The following YARS1 variants were observed in gnomAD, a reference collection of about 807,000 sequenced individuals.
YARS1 encodes the protein tyrosine--tRNA ligase, cytoplasmic.
A neutral mutation model predicts 62.2 loss-of-function variants in YARS1; 36 were observed. The ratio of observed to expected loss-of-function variants is 0.58; its 90% CI spans 0.44 to 0.76. The LOEUF (loss-of-function observed/expected upper bound fraction) is 0.76. Among genes scored for constraint, YARS1 ranks in the 30% least tolerant of loss-of-function variants. YARS1 has a pLI of 0.00. For synonymous variants in YARS1, 234 were observed against 244.9 expected (o/e 0.96, Z 0.42); for missense variants, 524 against 639.8 (o/e 0.82, Z 1.95).
At chr1:32,811,368 G>A (rs183622139) in intron 1 of YARS1, 65 of 415,052 alleles carry the variant, frequency 1.6e-4, no homozygotes, top group Non-Finnish European at 2.4e-4. Flanking sequence ...ATCAAAGAAC[G>A]CAAATAACTG....
At chr1:32,795,669 G>A (rs1653558287) in intron 5 of YARS1, among the ~76,000 whole-genome samples, 1 of 151,792 alleles carries the variant, frequency 6.6e-6, no homozygotes, top group African/African-American at 2.4e-5. Flanking sequence ...AGCTGGGTGT[G>A]GTGGCACGCG....
chr1:32,784,536 C>T (rs1167586400), intron 8 of YARS1, among the ~76,000 whole-genome samples: 2 of 152,094 alleles, frequency 1.3e-5, no homozygotes, highest in Admixed American at 1.3e-4. Context: ...CCTACCATGT[C>T]TTTGTACAAC....
Position 32,775,936 on chromosome 1 carries a change from G to T in YARS1, c.*45C>A. ...ATGGATGGAGCAGACTGAAGAGACA[G>T]CAGATGACTCAGTGGTGGAAGAAGG... On this transcript the variant is annotated 3_prime_UTR_variant, in exon 13 of 13. Coordinates refer to ENST00000373477, the MANE Select transcript of YARS1 (RefSeq NM_003680.4). 1 of 1,493,204 alleles carries T rather than the reference G, an allele frequency of 6.7e-7. No individual in the cohort carries two copies. Among genetic ancestry groups the T allele is most frequent in the Non-Finnish European group, 9.3e-7 (1 of 1,070,588 alleles). 92.5% of individuals were successfully genotyped at this position (1,493,204 alleles called of 1,614,324 possible). A position where few individuals can be genotyped will look rare whatever the true frequency, so the allele number is the denominator to read the frequency against.
intron 8 of YARS1, 115 bp from the exon 9 acceptor site, chr1:32,782,654 G>T: frequency 7.0e-7 from 1 of 1,430,686 alleles, no homozygotes; most frequent in Non-Finnish European, 9.7e-7. Flanking sequence ...TGATCCTTGT[G>T]ATAATCTTGT....
chr1:32,786,095 C>A (rs1334032682), intron 8 of YARS1, among the ~76,000 whole-genome samples: 1 of 152,064 alleles, frequency 6.6e-6, no homozygotes, highest in African/African-American at 2.4e-5. Flanking sequence ...GACAGAGTCC[C>A]TGCCAGGTAA....
chr1:32,776,121 T>C lies in YARS1; in HGVS notation c.1477-30A>G. The C allele has an allele frequency of 6.4e-7, 1 of 1,574,716 alleles. No homozygotes were observed. The highest frequency in any genetic ancestry group is 1.1e-5 in the South Asian group (1 of 89,252). On this transcript the variant is annotated intron_variant, in intron 12 of 12. Coordinates refer to ENST00000373477, the MANE Select transcript of YARS1 (RefSeq NM_003680.4). The surrounding 1 kb of genome is among the most constrained non-coding windows in gnomAD (Gnocchi z 4.0). ...ACAAGACAGATAAGAGAGATTTTAATGATGGTGGTGGGACTGCAAGAAAAC... is the reference window on the plus strand; with the variant it reads ...ACAAGACAGATAAGAGAGATTTTAACGATGGTGGTGGGACTGCAAGAAAAC...
intron 3 of YARS1, among the ~76,000 whole-genome samples, chr1:32,808,310 C>T (rs1474719464): frequency 2.0e-5 from 3 of 151,752 alleles, no homozygotes; most frequent in Admixed American, 6.6e-5. Context: ...ACCTCTGCCC[C>T]GTGGGTTCAA....
intron 5 of YARS1, among the ~76,000 whole-genome samples, chr1:32,794,886 C>G (rs999613779): frequency 6.6e-6 from 1 of 151,172 alleles, no homozygotes; most frequent in African/African-American, 2.4e-5. Context: ...AGCCTGTAAT[C>G]CCAGCTACTC....
In YARS1 at chr1:32,786,835, G is replaced by A; in HGVS notation, c.820+105C>T. The A allele has an allele frequency of 2.1e-6, 3 of 1,461,696 alleles. No individual in the cohort carries two copies. In the South Asian group the frequency reaches 3.6e-5, roughly 18 times the overall value. The allele number at this position is 1,461,696 out of a possible 1,614,324, so 90.5% of individuals were successfully genotyped here. A position where few individuals can be genotyped will look rare whatever the true frequency, so the allele number is the denominator to read the frequency against. On this transcript the variant is annotated intron_variant, in intron 7 of 12. Coordinates refer to ENST00000373477, the MANE Select transcript of YARS1 (RefSeq NM_003680.4). ...TAAGAAATCAGAGCAGAGAATCAGG[G>A]CAGCCAGTCCCTGAAGGAAGAGTCT...
In YARS1 at chr1:32,791,257, G is replaced by C; in HGVS notation, c.592-3C>G. The C allele has an allele frequency of 1.2e-6, 2 of 1,611,880 alleles. No individual in the cohort carries two copies. Among genetic ancestry groups the C allele is most frequent in the South Asian group, 1.1e-5 (1 of 91,032 alleles). On this transcript the variant is annotated splice_region_variant and splice_polypyrimidine_tract_variant and intron_variant, in intron 5 of 12. Transcript: ENST00000373477. ...GAATAGCCAAGTGCAGGGAGGTACT[G>C]AGAGATTAGAGAAACACACAAAAGC...
intron 8 of YARS1, among the ~76,000 whole-genome samples, chr1:32,785,576 CTTTTCCTTTCTTTTTTTCTTTTT>C (rs1653198335): frequency 6.6e-6 from 1 of 151,412 alleles, no homozygotes; most frequent in South Asian, 2.1e-4. Flanking sequence ...TTTTTCTTTT[CTTTTCCTTTCTTTTTTTCTTTTT>C]GAGACGGAGT....
rs11544325 is a variant in YARS1 at position 32,806,563 on chromosome 1, G to A, written c.429C>T (p.His143=). 4.3e-6 allele frequency: 7 copies of A among 1,614,032 alleles called. No individual in the cohort carries two copies. The highest frequency in any genetic ancestry group is 1.3e-5 in the African/African-American group (1 of 74,914). ...CCTCAGCTCCAGCCTTCTTGGAATC[G>A]TGCTGTGTGACCACGGAGGAGAGTC... is the stretch of plus-strand genomic sequence containing the variant. The part of the protein sequence containing the change: ...VYRLSSVVTQ[H]DSKKAGAEVV... Residue 143 remains histidine, a synonymous_variant, in exon 4 of 13, where the codon CAC becomes CAT. Transcript: ENST00000373477.
intron 4 of YARS1, among the ~76,000 whole-genome samples, chr1:32,804,986 C>G (rs532268519): frequency 7.0e-4 from 107 of 152,304 alleles, no homozygotes; most frequent in African/African-American, 2.5e-3. Flanking sequence ...ATCCCGGCAC[C>G]TCGGGACGCC....
At chr1:32,815,359 A>G (rs1638684516) in intron 1 of YARS1, among the ~76,000 whole-genome samples, 1 of 152,302 alleles carries the variant, frequency 6.6e-6, no homozygotes, top group South Asian at 2.1e-4. Context: ...CAGAAAAAAA[A>G]TCCCCAAAAC....
intron 8 of YARS1, among the ~76,000 whole-genome samples, chr1:32,785,591 T>C (rs925083392): frequency 3.3e-5 from 5 of 152,022 alleles, no homozygotes; most frequent in African/African-American, 1.2e-4. Flanking sequence ...CCTTTCTTTT[T>C]TTCTTTTTGA....
In YARS1 at chr1:32,775,822, G is replaced by T; in HGVS notation, c.*159C>A. 1.4e-6 allele frequency: 1 copy of T among 689,882 alleles called. No individual in the cohort carries two copies. The allele number at this position is 689,882 out of a possible 1,614,324, so 42.7% of individuals were successfully genotyped here. A position where few individuals can be genotyped will look rare whatever the true frequency, so the allele number is the denominator to read the frequency against. The stretch of plus-strand genomic sequence containing the variant: ...CAGACAGGATGATCCTGGGTTCTGG[G>T]GAGGGTAAGCTGCCCCTTGCCGAGT... On this transcript the variant is annotated 3_prime_UTR_variant, in exon 13 of 13. Transcript: ENST00000373477.
At chr1:32,781,797 T>A (rs974758588) in intron 9 of YARS1, 11 of 161,368 alleles carry the variant, frequency 6.8e-5, no homozygotes, top group African/African-American at 2.4e-4. Flanking sequence ...GTATAATAGG[T>A]CTAATCTAAT....
At chr1:32,805,380 G>GA (rs1366037191) in intron 4 of YARS1, among the ~76,000 whole-genome samples, 1 of 152,088 alleles carries the variant, frequency 6.6e-6, no homozygotes, top group Non-Finnish European at 1.5e-5. Flanking sequence ...TCATAAAACT[G>GA]AAGACAGGGC....
chr1:32,817,203 G>A lies in YARS1; in HGVS notation c.42C>T (p.Ile14=), dbSNP rs199894991. 16 of 1,614,210 alleles carry A rather than the reference G, an allele frequency of 9.9e-6. No homozygotes were observed. Among genetic ancestry groups the A allele is most frequent in the Non-Finnish European group, 1.4e-5 (16 of 1,180,024 alleles). ...APSPEEKLHL[I]TRNLQEVLGE... is the part of the protein sequence containing the mutation. ...CAGGCCTGACCTGCAGGTTCCGGGT[G>A]ATAAGGTGCAGTTTCTCTTCAGGGC... Residue 14 remains isoleucine, a synonymous_variant, in exon 1 of 13, where the codon ATC becomes ATT. Coordinates refer to ENST00000373477, the MANE Select transcript of YARS1 (RefSeq NM_003680.4).
Sources: gnomAD v4.1 joint callset for allele counts (sites outside exome capture counted in the v4.1 genomes callset) on GRCh38, gnomAD v4.1.1 for gene constraint, Gnocchi (gnomAD v3.1) non-coding constraint, MANE v1.5 for transcripts, NCBI Gene and HGNC (gene_info 2026-07-23, HGNC 2026-07-21) for gene names.